Variants in ADORA1 observed in about 807,000 individuals in gnomAD.
The protein encoded by ADORA1 is adenosine A1 receptor, also known as adenosine receptor A1.
A neutral mutation model predicts 19.9 loss-of-function variants in ADORA1; 6 were observed. The ratio of observed to expected loss-of-function variants is 0.30; its 90% CI spans 0.17 to 0.59. The LOEUF is 0.59. ADORA1 is among the 20% of genes least tolerant of loss of function. The pLI is 0.87. For missense variants in ADORA1, 302 were observed against 439.2 expected, an observed-to-expected ratio of 0.69 and a Z score of 2.79; for synonymous variants, 194 against 188.4, an observed-to-expected ratio of 1.03 and a Z score of -0.24.
At position 203,128,824 on chromosome 1, in the gene ADORA1, G is replaced by A; in HGVS notation, c.-18G>A. On this transcript the variant is annotated 5_prime_UTR_variant, in exon 3 of 4. Transcript: ENST00000337894. This position sits in a 1 kb window ranked among gnomAD's most constrained non-coding sequence, Gnocchi z 5.9. ...CCCCTTGGTGCCCGTCTGCTGATGT[G>A]CCCAGCCTGTGCCCGCCATGCCGCC... 6.3e-7 allele frequency: 1 copy of A among 1,575,448 alleles called. No homozygotes were observed. Among genetic ancestry groups the A allele is most frequent in the Non-Finnish European group, 8.6e-7 (1 of 1,164,504 alleles).
In ADORA1 at chr1:203,166,452, G is replaced by C. The variant is rs201029371; in HGVS notation, c.*552G>C. 6.6e-6 allele frequency: 1 copy of C among 152,562 alleles called. No homozygotes were observed. The highest frequency in any genetic ancestry group is 1.5e-5 in the Non-Finnish European group (1 of 68,340). The allele number at this position is 152,562 out of a possible 1,614,324, so 9.5% of individuals were successfully genotyped here. ...GCAGCTAAGGGGCAGGAATCAAGGA[G>C]CCTCCGTTCCCACCTCTGAGGACTC... is the stretch of plus-strand genomic sequence containing the variant. On this transcript the variant is annotated 3_prime_UTR_variant, in exon 4 of 4. Transcript: ENST00000337894.
At chr1:203,129,454 C>T (rs1654264526) in intron 3 of ADORA1, among the ~76,000 whole-genome samples, 1 of 152,138 alleles carries the variant, frequency 6.6e-6, no homozygotes, top group South Asian at 2.1e-4. Flanking sequence ...CTGAGGCTGC[C>T]TGTCAGGCCT....
At chr1:203,141,368 T>C (rs1654685078) in intron 3 of ADORA1, among the ~76,000 whole-genome samples, 1 of 152,152 alleles carries the variant, frequency 6.6e-6, no homozygotes, top group African/African-American at 2.4e-5. Flanking sequence ...AGGCTACCAG[T>C]TTCCAGTTCT....
rs777489656 is a variant in ADORA1, at chr1:203,128,803, T to C, written c.-39T>C. ...CACACAGGTGCTTGCCTCGTGCCCC[T>C]TGGTGCCCGTCTGCTGATGTGCCCA... is the stretch of plus-strand genomic sequence containing the variant. On this transcript the variant is annotated 5_prime_UTR_variant, in exon 3 of 4. Transcript: ENST00000337894. The surrounding 1 kb of genome is among the most constrained non-coding windows in gnomAD (Gnocchi z 5.9). 7 of 1,554,248 alleles carry C rather than the reference T, an allele frequency of 4.5e-6. No individual in the cohort carries two copies. The highest frequency in any genetic ancestry group is 6.1e-6 in the Non-Finnish European group (7 of 1,153,688).
chr1:203,164,272 C>A (rs1160747027), intron 3 of ADORA1, among the ~76,000 whole-genome samples: 1 of 152,188 alleles, frequency 6.6e-6, no homozygotes, highest in Non-Finnish European at 1.5e-5. Context: ...CTATAGTTGT[C>A]TTGTTTATTT....
Position 203,129,196 on chromosome 1 carries a change from G to A in ADORA1, c.341+14G>A, listed in dbSNP as rs1654253481. The stretch of plus-strand genomic sequence containing the variant: ...GATCCCTCTCCGGTGAGTCCACAGC[G>A]CCGAAGGTACTCGCAGCACCACATG... On this transcript the variant is annotated intron_variant, in intron 3 of 3. Transcript: ENST00000337894. 6.3e-7 allele frequency: 1 copy of A among 1,595,898 alleles called. No homozygotes were observed. Among genetic ancestry groups the A allele is most frequent in the Non-Finnish European group, 8.6e-7 (1 of 1,169,410 alleles).
intron 3 of ADORA1, among the ~76,000 whole-genome samples, chr1:203,157,839 T>TG (rs1480413020): frequency 1.3e-5 from 2 of 152,098 alleles, no homozygotes; most frequent in Non-Finnish European, 2.9e-5. Context: ...AGTCCTGAGG[T>TG]GGCCCTGGGC....
Position 203,153,125 on chromosome 1 carries a change from A to G in ADORA1, c.342-12136A>G, listed in dbSNP as rs548403940. Among the ~76,000 whole-genome samples, 11 of 152,112 alleles carry G rather than the reference A, an allele frequency of 7.2e-5. No individual in the cohort carries two copies. The South Asian group carries it at 2.3e-3, about 32-fold the overall frequency. The stretch of plus-strand genomic sequence containing the variant: ...AGAGAAAAGAGCTCTCTGCAGGCAC[A>G]CAGGTCTGGGGGGAGCTTGTGCTGT... On this transcript the variant is annotated intron_variant, in intron 3 of 3. Coordinates refer to ENST00000337894, the MANE Select transcript of ADORA1 (RefSeq NM_000674.3).
chr1:203,135,648 A>G (rs1476020934), intron 3 of ADORA1, among the ~76,000 whole-genome samples: 3 of 102,016 alleles, frequency 2.9e-5, no homozygotes, highest in Non-Finnish European at 6.0e-5. Flanking sequence ...ACAGAGTGAG[A>G]CTTTGTCTCA....
rs868182904 is a variant in ADORA1 at position 203,142,995 on chromosome 1, G to A, written c.341+13813G>A. Among the ~76,000 whole-genome samples, 8 of 152,340 alleles carry A rather than the reference G, an allele frequency of 5.3e-5. No individual in the cohort carries two copies. In the South Asian group the frequency reaches 1.7e-3, roughly 32 times the overall value. ...GTCCCCTGGGGCCATAACTGGGAGA[G>A]CTGATAGAGTGGCCTGGATGACAAT... On this transcript the variant is annotated intron_variant, in intron 3 of 3. Transcript: ENST00000337894.
chr1:203,158,906 C>A (rs1158539147), intron 3 of ADORA1, among the ~76,000 whole-genome samples: 1 of 152,196 alleles, frequency 6.6e-6, no homozygotes, highest in East Asian at 1.9e-4. Flanking sequence ...AGACTCCACT[C>A]CTGTGATAAT....
At chr1:203,158,749 A>G (rs1655271751) in intron 3 of ADORA1, among the ~76,000 whole-genome samples, 1 of 152,182 alleles carries the variant, frequency 6.6e-6, no homozygotes, top group African/African-American at 2.4e-5. Context: ...CTCAGCTCAC[A>G]TTTCTGGAAG....
At chr1:203,134,580 C>T (rs1466174344) in intron 3 of ADORA1, among the ~76,000 whole-genome samples, 1 of 152,194 alleles carries the variant, frequency 6.6e-6, no homozygotes, top group Non-Finnish European at 1.5e-5. Context: ...GGTGTCAGCT[C>T]TGCGTGGAAG....
At position 203,152,235 on chromosome 1, in the gene ADORA1, G is replaced by T. The variant is rs181813934; in HGVS notation, c.342-13026G>T. On this transcript the variant is annotated intron_variant, in intron 3 of 3. Transcript: ENST00000337894. ...GTCTCCCATTTCCCACCACAATGAG[G>T]TATTCCAAGGGAGGACTGCCCTTCT... Among the ~76,000 whole-genome samples the T allele has an allele frequency of 3.4e-3, 512 of 152,336 alleles. 2 individuals are homozygous for T. Among genetic ancestry groups the T allele is most frequent in the Non-Finnish European group, 4.6e-3 (311 of 68,018 alleles).
intron 3 of ADORA1, among the ~76,000 whole-genome samples, chr1:203,161,635 G>A (rs377158392): frequency 5.9e-4 from 88 of 150,182 alleles, no homozygotes; most frequent in African/African-American, 2.1e-3. Flanking sequence ...GCAATGGCGC[G>A]ATCTTGGCTC....
In ADORA1 at chr1:203,128,997, G is replaced by T. The variant is rs201594741; in HGVS notation, c.156G>T (p.Ala52=). 11 of 1,614,150 alleles carry T rather than the reference G, an allele frequency of 6.8e-6. No individual in the cohort carries two copies. Among genetic ancestry groups the T allele is most frequent in the African/African-American group, 1.3e-5 (1 of 75,018 alleles). Reference sequence around the variant, plus strand: ...CCTTCTGCTTCATCGTGTCGCTGGCGGTGGCTGATGTGGCCGTGGGTGCCC... The same window carrying T: ...CCTTCTGCTTCATCGTGTCGCTGGCTGTGGCTGATGTGGCCGTGGGTGCCC... The part of the protein sequence containing the change: ...DATFCFIVSL[A]VADVAVGALV... The change falls in exon 3 of 4, where the codon GCG becomes GCT. Residue 52 remains alanine (A), a synonymous_variant. Coordinates refer to ENST00000337894, the MANE Select transcript of ADORA1 (RefSeq NM_000674.3). This position sits in a 1 kb window ranked among gnomAD's most constrained non-coding sequence, Gnocchi z 5.9.
intron 3 of ADORA1, among the ~76,000 whole-genome samples, chr1:203,132,803 C>T (rs771606754): frequency 3.9e-5 from 6 of 152,096 alleles, no homozygotes; most frequent in East Asian, 3.9e-4. Context: ...GCCGAGATTG[C>T]GCCACTACAC....
At chr1:203,160,325 C>T (rs577792727) in intron 3 of ADORA1, among the ~76,000 whole-genome samples, 11 of 152,260 alleles carry the variant, frequency 7.2e-5, no homozygotes, top group African/African-American at 2.2e-4. Context: ...GCATTATACC[C>T]GCTGGTTGAG....
At chr1:203,132,440 C>G (rs541686826) in intron 3 of ADORA1, among the ~76,000 whole-genome samples, 2 of 152,132 alleles carry the variant, frequency 1.3e-5, no homozygotes, top group East Asian at 3.9e-4. Flanking sequence ...TGGGTGTTTG[C>G]GAGTCAGGCA....
Sources: gnomAD v4.1 joint callset for allele counts (sites outside exome capture counted in the v4.1 genomes callset) on GRCh38, gnomAD v4.1.1 for gene constraint, Gnocchi (gnomAD v3.1) non-coding constraint, MANE v1.5 for transcripts, NCBI Gene and HGNC (gene_info 2026-07-23, HGNC 2026-07-21) for gene names.